Variants in TAB2 observed in about 807,000 individuals in gnomAD.
TAB2 encodes the protein TGF-beta-activated kinase 1 and MAP3K7-binding protein 2.
In TAB2, 3 loss-of-function variants were observed where a neutral mutation model predicts 65.0. The observed-to-expected ratio is 0.05, with a 90% CI of 0.02 to 0.12. The LOEUF (loss-of-function observed/expected upper bound fraction) is 0.12, where lower values mean the gene tolerates loss of function less well. TAB2 is among the 10% of genes least tolerant of loss of function. The pLI is 1.00. For missense variants in TAB2, 623 were observed against 840.3 expected, an observed-to-expected ratio of 0.74 and a Z score of 3.20; for synonymous variants, 298 against 285.1, an observed-to-expected ratio of 1.05 and a Z score of -0.46.
At chr6:149,275,300 G>GAAAGAAACAAAGAAAGAAAA (rs1223068467) in intron 1 of TAB2, among the ~76,000 whole-genome samples, 1 of 128,302 alleles carries the variant, frequency 7.8e-6, no homozygotes, top group Non-Finnish European at 1.7e-5. Context: ...AAGAAAGAAA[G>GAAAGAAACAAAGAAAGAAAA]AGAAAAAAGA....
chr6:149,379,275 G>T lies in TAB2; in HGVS notation c.1360G>T (p.Val454Leu), dbSNP rs763135248. Residue 454 changes from valine to leucine, a missense_variant, in exon 3 of 7, where the codon GTA becomes TTA. Val to Leu is a conservative substitution (Grantham distance 32). This residue lies in a region of TAB2 where 550 missense variants were observed against 665.7 expected (regional missense o/e 0.83). Coordinates refer to ENST00000637181, the MANE Select transcript of TAB2 (RefSeq NM_001292034.3). ...TAACTCTGCAACCTCTCCTCGAGTG[G>T]TAGTCACTCAGCCCAATACGAAATA... The part of the protein sequence containing the change: ...GNNSATSPRV[V>L]VTQPNTKYTF... 2 of 1,614,170 alleles carry T rather than the reference G, an allele frequency of 1.2e-6. No individual in the cohort carries two copies. The highest frequency in any genetic ancestry group is 1.7e-6 in the Non-Finnish European group (2 of 1,180,046).
At chr6:149,303,762 C>T (rs1779010582) in intron 1 of TAB2, among the ~76,000 whole-genome samples, 1 of 152,194 alleles carries the variant, frequency 6.6e-6, no homozygotes, top group Non-Finnish European at 1.5e-5. Flanking sequence ...TATTCATTTA[C>T]TTCTTCACTG....
At chr6:149,399,277 G>C (rs943662962) in intron 6 of TAB2, 93 bp downstream of exon 6, 2 of 901,068 alleles carry the variant, frequency 2.2e-6, no homozygotes, top group Non-Finnish European at 3.6e-6. Context: ...CTCTAGAATT[G>C]CTTCAAACTT....
chr6:149,351,543 A>C (rs1780491035), intron 1 of TAB2, among the ~76,000 whole-genome samples: 1 of 152,230 alleles, frequency 6.6e-6, no homozygotes, highest in South Asian at 2.1e-4. Context: ...TATTTTATTT[A>C]CATGTGTACT....
rs1352187193 is a variant in TAB2, at chr6:149,286,182, C to A, written c.-121+67406C>A. On this transcript the variant is annotated intron_variant, in intron 1 of 1. Coordinates refer to the TAB2 transcript ENST00000606202. ...CACACTGCTATTTAATTGTTATTAACGTCATGGTCTTAAGATTTGCGAGTT... is the reference window on the plus strand; with the variant it reads ...CACACTGCTATTTAATTGTTATTAAAGTCATGGTCTTAAGATTTGCGAGTT... 1.3e-5 allele frequency among the ~76,000 whole-genome samples: 2 copies of A among 152,042 alleles called. 1 individual carries two copies. Among genetic ancestry groups the A allele is most frequent in the South Asian group, 4.1e-4 (2 of 4,824 alleles).
intron 1 of TAB2, among the ~76,000 whole-genome samples, chr6:149,289,329 G>A: frequency 6.6e-6 from 1 of 151,900 alleles, no homozygotes; most frequent in Non-Finnish European, 1.5e-5. Context: ...AGGGGAACAA[G>A]GTCATAGTGA....
At chr6:149,241,766 G>C (rs1204199057) in intron 1 of TAB2, among the ~76,000 whole-genome samples, 1 of 152,310 alleles carries the variant, frequency 6.6e-6, no homozygotes, top group East Asian at 1.9e-4. Context: ...CAAAGCATTA[G>C]AGTCTGATTG....
At chr6:149,240,079 C>T (rs1382912221) in intron 1 of TAB2, among the ~76,000 whole-genome samples, 1 of 152,182 alleles carries the variant, frequency 6.6e-6, no homozygotes, top group African/African-American at 2.4e-5. Context: ...GCCCAGGCTG[C>T]CCCTGCTGAA....
chr6:149,402,194 GA>G (rs977490250), intron 6 of TAB2, among the ~76,000 whole-genome samples: 1 of 151,742 alleles, frequency 6.6e-6, no homozygotes, highest in Non-Finnish European at 1.5e-5. Context: ...CCCTTAGCTA[GA>G]TAAATTGAGA....
intron 1 of TAB2, among the ~76,000 whole-genome samples, chr6:149,284,722 T>A (rs1778638791): frequency 6.6e-6 from 1 of 151,288 alleles, no homozygotes; most frequent in African/African-American, 2.4e-5. Flanking sequence ...TCCCAACTCA[T>A]GGGCAGTTGC....
At chr6:149,312,248 G>A (rs1030291548) in intron 1 of TAB2, among the ~76,000 whole-genome samples, 23 of 152,248 alleles carry the variant, frequency 1.5e-4, no homozygotes, top group African/African-American at 5.3e-4. Context: ...AAGAGCATGC[G>A]CACATAAATT....
chr6:149,406,916 C>T (rs980386618), intron 6 of TAB2, among the ~76,000 whole-genome samples: 1 of 152,112 alleles, frequency 6.6e-6, no homozygotes, highest in Non-Finnish European at 1.5e-5. Flanking sequence ...GGGGTTTCTC[C>T]ACGTTGGTCA....
At chr6:149,301,642 G>T (rs1432579304) in intron 1 of TAB2, among the ~76,000 whole-genome samples, 1 of 152,104 alleles carries the variant, frequency 6.6e-6, no homozygotes, top group Non-Finnish European at 1.5e-5. Flanking sequence ...TTATGTAAAA[G>T]TTGTTTCATA....
At chr6:149,231,052 C>T (rs1012330941) in intron 1 of TAB2, among the ~76,000 whole-genome samples, 3 of 152,194 alleles carry the variant, frequency 2.0e-5, no homozygotes, top group African/African-American at 7.2e-5. Flanking sequence ...AGAAGGAACC[C>T]TGTGAGATAG....
intron 1 of TAB2, among the ~76,000 whole-genome samples, chr6:149,326,739 G>C (rs996158222): frequency 6.6e-6 from 1 of 152,030 alleles, no homozygotes; most frequent in Non-Finnish European, 1.5e-5. Flanking sequence ...GTAAAGACAG[G>C]GTTTCACCAT....
At chr6:149,398,266 A>C (rs1782243503) in intron 5 of TAB2, among the ~76,000 whole-genome samples, 1 of 152,254 alleles carries the variant, frequency 6.6e-6, no homozygotes, top group African/African-American at 2.4e-5. Context: ...AGAAGATAGT[A>C]AAAATAAGGT....
At chr6:149,282,987 T>C (rs1013534111) in intron 1 of TAB2, among the ~76,000 whole-genome samples, 2 of 152,244 alleles carry the variant, frequency 1.3e-5, no homozygotes, top group African/African-American at 2.4e-5. Context: ...TTTAATTCTT[T>C]AAACCTTTCA....
intron 1 of TAB2, among the ~76,000 whole-genome samples, chr6:149,339,268 C>T (rs1233613586): frequency 1.3e-5 from 2 of 151,860 alleles, no homozygotes; most frequent in South Asian, 4.2e-4. Context: ...GAGGCTGAGG[C>T]AGGAGAATCG....
At chr6:149,269,103 G>A (rs1450057313) in intron 1 of TAB2, among the ~76,000 whole-genome samples, 5 of 152,168 alleles carry the variant, frequency 3.3e-5, no homozygotes, top group African/African-American at 1.2e-4. Flanking sequence ...AGCATTCTCT[G>A]GGACTACAAA....
Sources: allele counts gnomAD v4.1 joint callset (sites outside exome capture counted in the v4.1 genomes callset), GRCh38; gene constraint gnomAD v4.1.1; regional missense constraint gnomAD v4.1.1; transcripts MANE v1.5; gene names NCBI Gene and HGNC (gene_info 2026-07-23, HGNC 2026-07-21).